The following SDK1 variants were observed in gnomAD, a reference collection of about 807,000 sequenced individuals.
SDK1 encodes protein sidekick-1.
A neutral mutation model predicts 245.5 loss-of-function variants in SDK1; 157 were observed. The ratio of observed to expected loss-of-function variants is 0.64; its 90% CI spans 0.56 to 0.73. SDK1 has a LOEUF of 0.73. Ranked by LOEUF, SDK1 falls within the 30% of genes least tolerant of loss-of-function variation. The pLI is 0.00. For missense variants in SDK1, 3,583 were observed against 3,002.3 expected (o/e 1.19, Z -4.52); for synonymous variants, 1,647 against 1,278.5 (o/e 1.29, Z -6.15).
chr7:4,200,634 T>C (rs879649732), intron 35 of SDK1, among the ~76,000 whole-genome samples: 7 of 152,194 alleles, frequency 4.6e-5, no homozygotes, highest in Admixed American at 1.3e-4. Context: ...GGCCTCTCCA[T>C]GGGGCCTCTC....
chr7:3,643,714 C>G (rs1247377557), intron 4 of SDK1: 1 of 148,776 alleles, frequency 6.7e-6, no homozygotes, highest in Non-Finnish European at 1.5e-5. Context: ...CATCTCCCAC[C>G]CCTACCTGAG....
chr7:3,586,355 G>A (rs917911030), intron 1 of SDK1, among the ~76,000 whole-genome samples: 16 of 151,970 alleles, frequency 1.1e-4, no homozygotes, highest in African/African-American at 3.9e-4. Context: ...TGTTTCTTAG[G>A]AATTCACAGC....
At chr7:3,493,851 G>T (rs760786872) in intron 1 of SDK1, among the ~76,000 whole-genome samples, 1 of 152,156 alleles carries the variant, frequency 6.6e-6, no homozygotes, top group Non-Finnish European at 1.5e-5. Flanking sequence ...GATTGAATTG[G>T]CACCAAAGTT....
intron 23 of SDK1, among the ~76,000 whole-genome samples, chr7:4,111,400 C>G (rs1783334775): frequency 6.6e-6 from 1 of 152,060 alleles, no homozygotes; most frequent in African/African-American, 2.4e-5. Flanking sequence ...TGTCATTGTT[C>G]TGCCAGGATG....
intron 4 of SDK1, among the ~76,000 whole-genome samples, chr7:3,763,663 A>T (rs984567544): frequency 1.3e-5 from 2 of 152,222 alleles, no homozygotes; most frequent in Non-Finnish European, 2.9e-5. Flanking sequence ...ACATATTTTT[A>T]TTATTCCTTT....
intron 1 of SDK1, among the ~76,000 whole-genome samples, chr7:3,601,971 T>A (rs1210409974): frequency 6.6e-6 from 1 of 152,166 alleles, no homozygotes; most frequent in East Asian, 1.9e-4. Context: ...AATGATGGTT[T>A]CCAGTTTCAT....
chr7:3,564,492 AATTT>A (rs1274063092), intron 1 of SDK1, among the ~76,000 whole-genome samples: 1 of 152,146 alleles, frequency 6.6e-6, no homozygotes, highest in Admixed American at 6.6e-5. Flanking sequence ...CTCAAAAAAA[AATTT>A]ATTTTAATAA....
intron 1 of SDK1, among the ~76,000 whole-genome samples, chr7:3,326,611 C>T (rs967943491): frequency 6.6e-6 from 1 of 152,182 alleles, no homozygotes; most frequent in South Asian, 2.1e-4. Context: ...TACACATCCA[C>T]TGAGTCCTCA....
intron 5 of SDK1, among the ~76,000 whole-genome samples, chr7:3,913,419 G>A (rs1224303833): frequency 4.6e-5 from 7 of 151,240 alleles, no homozygotes; most frequent in African/African-American, 7.3e-5. Flanking sequence ...TCAGCCGCTC[G>A]AGTAGCTGGG....
At chr7:3,508,775 A>T (rs374291076) in intron 1 of SDK1, among the ~76,000 whole-genome samples, 1 of 152,254 alleles carries the variant, frequency 6.6e-6, no homozygotes, top group African/African-American at 2.4e-5. Flanking sequence ...CATTGCCCCA[A>T]ACCTGTTTAT....
intron 4 of SDK1, among the ~76,000 whole-genome samples, chr7:3,723,680 A>T (rs773405461): frequency 7.4e-6 from 1 of 135,338 alleles, no homozygotes; most frequent in Non-Finnish European, 1.6e-5. Flanking sequence ...GTGTGTGTGT[A>T]TACGTGTATA....
At chr7:3,929,330 C>T (rs936958616) in intron 5 of SDK1, among the ~76,000 whole-genome samples, 1 of 152,216 alleles carries the variant, frequency 6.6e-6, no homozygotes, top group Non-Finnish European at 1.5e-5. Flanking sequence ...AATCTGCCAG[C>T]TTGAACACGA....
intron 5 of SDK1, among the ~76,000 whole-genome samples, chr7:3,852,750 C>CAAAAAA (rs35116493): frequency 3.6e-5 from 1 of 28,148 alleles, no homozygotes; most frequent in African/African-American, 1.3e-4. Flanking sequence ...GACTCCGTCT[C>CAAAAAA]AAAAAAAAAA....
At chr7:3,316,437 T>C (rs1299788694) in intron 1 of SDK1, among the ~76,000 whole-genome samples, 3 of 152,182 alleles carry the variant, frequency 2.0e-5, no homozygotes, top group Non-Finnish European at 4.4e-5. Flanking sequence ...CATCTAGGTT[T>C]GTGTAAGTGA....
At chr7:4,247,641 C>T (rs759253732) in intron 44 of SDK1, among the ~76,000 whole-genome samples, 5 of 152,222 alleles carry the variant, frequency 3.3e-5, no homozygotes, top group Non-Finnish European at 7.3e-5. Context: ...AGTATCCAGG[C>T]ACCGTGGGGG....
rs557679147 is a variant in SDK1, at chr7:3,621,123, A to T, written c.458+1884A>T. On this transcript the variant is annotated intron_variant, in intron 2 of 44. Transcript: ENST00000404826. ...CTCATTTGCAGTGTTGTGAGCATTG[A>T]AGGCTCTAGTGATCGTAGGCAGCAT... is the stretch of plus-strand genomic sequence containing the variant. 2.0e-5 allele frequency among the ~76,000 whole-genome samples: 3 copies of T among 152,274 alleles called. 1 individual carries two copies. The highest frequency in any genetic ancestry group is 4.1e-4 in the South Asian group (2 of 4,824).
chr7:3,767,001 G>A (rs1205338717), intron 4 of SDK1, among the ~76,000 whole-genome samples: 1 of 152,208 alleles, frequency 6.6e-6, no homozygotes, highest in Non-Finnish European at 1.5e-5. Flanking sequence ...GAAATTAGGA[G>A]CATATTAGTA....
intron 1 of SDK1, among the ~76,000 whole-genome samples, chr7:3,404,573 G>T (rs980127272): frequency 2.0e-5 from 3 of 152,204 alleles, no homozygotes; most frequent in Non-Finnish European, 4.4e-5. Flanking sequence ...TCAGTAAAAA[G>T]TTTTGACATG....
In SDK1 at chr7:3,821,432, T is replaced by A; in HGVS notation, c.714-18T>A. On this transcript the variant is annotated intron_variant, in intron 4 of 44. Coordinates refer to ENST00000404826, the MANE Select transcript of SDK1 (RefSeq NM_152744.4). ...CCCTGGAGTAGCTTTGACACTGTCC[T>A]CTTCTTTTCTGAAACAGAGCCATCA... 4 of 1,610,876 alleles carry A rather than the reference T, an allele frequency of 2.5e-6. No individual in the cohort carries two copies. The South Asian group carries it at 3.3e-5, about 13-fold the overall frequency.
Sources: gnomAD v4.1 joint callset for allele counts (sites outside exome capture counted in the v4.1 genomes callset) on GRCh38, gnomAD v4.1.1 for gene constraint, MANE v1.5 for transcripts, NCBI Gene and HGNC (gene_info 2026-07-23, HGNC 2026-07-21) for gene names.